The following RBFOX1 variants were observed in gnomAD, a reference collection of about 807,000 sequenced individuals.
RBFOX1 encodes the protein RNA binding protein fox-1 homolog 1.
RBFOX1 carries 8 observed loss-of-function variants against 57.7 expected under a neutral mutation model. The observed-to-expected ratio is 0.14, with a 90% CI of 0.08 to 0.25. The LOEUF is 0.25. RBFOX1 is among the 10% of genes least tolerant of loss of function. The pLI is 1.00. For missense variants in RBFOX1, 611 were observed against 548.5 expected (o/e 1.11, Z -1.14); for synonymous variants, 326 against 222.4 (o/e 1.47, Z -4.15).
chr16:7,045,240 AG>A (rs1433773739), intron 3 of RBFOX1, among the ~76,000 whole-genome samples: 6 of 152,162 alleles, frequency 3.9e-5, no homozygotes, highest in Admixed American at 3.9e-4. Flanking sequence ...GGTGGCAACC[AG>A]TTTACTAATA....
intron 3 of RBFOX1, among the ~76,000 whole-genome samples, chr16:6,768,538 C>T (rs1026062947): frequency 4.0e-5 from 6 of 151,504 alleles, no homozygotes; most frequent in Admixed American, 1.3e-4. Flanking sequence ...TATACATTGA[C>T]AAAAATATTT....
chr16:6,011,452 C>G (rs886409673), intron 4 of RBFOX1, among the ~76,000 whole-genome samples: 2 of 151,814 alleles, frequency 1.3e-5, no homozygotes, highest in African/African-American at 2.4e-5. Context: ...GATTTAAAAA[C>G]GAAGTCTTGA....
chr16:6,984,629 T>C (rs1419612317), intron 3 of RBFOX1, among the ~76,000 whole-genome samples: 1 of 152,116 alleles, frequency 6.6e-6, no homozygotes, highest in Non-Finnish European at 1.5e-5. Flanking sequence ...GTTTACCACA[T>C]GCCTTCTTTA....
chr16:6,183,636 G>T (rs1443395416), intron 1 of RBFOX1, among the ~76,000 whole-genome samples: 2 of 152,036 alleles, frequency 1.3e-5, no homozygotes, highest in Non-Finnish European at 2.9e-5. Flanking sequence ...ACATGGAGGT[G>T]GTGAGGAAAA....
chr16:7,329,737 T>A (rs1298029508), intron 4 of RBFOX1, among the ~76,000 whole-genome samples: 1 of 152,136 alleles, frequency 6.6e-6, no homozygotes, highest in Non-Finnish European at 1.5e-5. Flanking sequence ...CAGCCCTTAT[T>A]TTCACACAAG....
At position 7,058,181 on chromosome 16, in the gene RBFOX1, C is replaced by T. The variant is rs530954558; in HGVS notation, c.27+6083C>T. 7.9e-5 allele frequency among the ~76,000 whole-genome samples: 12 copies of T among 152,150 alleles called. No homozygotes were observed. In the South Asian group the frequency reaches 1.0e-3, roughly 13 times the overall value. On this transcript the variant is annotated intron_variant, in intron 4 of 15. Coordinates refer to ENST00000550418, the MANE Select transcript of RBFOX1 (RefSeq NM_018723.4). ...GCACGTCTTACTCACAGCTTTCAGG[C>T]GAACACTAACTCATTAAGAAAGGGG...
At chr16:6,718,057 G>T (rs1364176326) in intron 3 of RBFOX1, among the ~76,000 whole-genome samples, 1 of 152,076 alleles carries the variant, frequency 6.6e-6, no homozygotes, top group African/African-American at 2.4e-5. Flanking sequence ...ATAAACAGGT[G>T]CATTTCTTTG....
chr16:5,331,276 C>A (rs1188384913), intron 1 of RBFOX1, among the ~76,000 whole-genome samples: 1 of 152,194 alleles, frequency 6.6e-6, no homozygotes, highest in African/African-American at 2.4e-5. Flanking sequence ...TCATGTATCT[C>A]ACGTGCTTTG....
At chr16:6,258,212 G>A (rs1262271672) in intron 1 of RBFOX1, among the ~76,000 whole-genome samples, 1 of 152,120 alleles carries the variant, frequency 6.6e-6, no homozygotes, top group African/African-American at 2.4e-5. Flanking sequence ...GGCCATTAAA[G>A]ACATTTGGAA....
chr16:7,197,311 G>A (rs9928993), intron 4 of RBFOX1, among the ~76,000 whole-genome samples: 44,668 of 151,980 alleles, frequency 0.29, 7,000 homozygotes, highest in Non-Finnish European at 0.36. Flanking sequence ...GGAAGCGACT[G>A]AGCTTGCTAT....
At chr16:5,554,827 TACTC>T (rs1166409479) in intron 2 of RBFOX1, among the ~76,000 whole-genome samples, 1 of 152,234 alleles carries the variant, frequency 6.6e-6, no homozygotes, top group Admixed American at 6.5e-5. Context: ...TCTTTTTTCT[TACTC>T]ACATTCTTCC....
chr16:7,251,061 A>G (rs1012855273), intron 4 of RBFOX1, among the ~76,000 whole-genome samples: 2 of 152,152 alleles, frequency 1.3e-5, no homozygotes, highest in South Asian at 2.1e-4. Flanking sequence ...AACATGATAC[A>G]TGTCATTAAC....
intron 1 of RBFOX1, among the ~76,000 whole-genome samples, chr16:5,460,105 G>A (rs1567544107): frequency 1.3e-5 from 2 of 151,926 alleles, no homozygotes; most frequent in Admixed American, 6.6e-5. Context: ...AAGTCGGCAT[G>A]TTTTTAGTGT....
intron 4 of RBFOX1, among the ~76,000 whole-genome samples, chr16:7,174,958 T>G (rs1045393167): frequency 6.6e-6 from 1 of 152,232 alleles, no homozygotes; most frequent in African/African-American, 2.4e-5. Context: ...TGTGGTGATA[T>G]CTCATCATCA....
chr16:6,690,652 C>T (rs182025383), intron 3 of RBFOX1, among the ~76,000 whole-genome samples: 2 of 152,064 alleles, frequency 1.3e-5, no homozygotes, highest in South Asian at 2.1e-4. Flanking sequence ...GAATCATAAA[C>T]CTCTGCTTTT....
intron 3 of RBFOX1, among the ~76,000 whole-genome samples, chr16:6,854,556 G>A (rs1001510847): frequency 1.0e-4 from 15 of 145,678 alleles, no homozygotes; most frequent in Admixed American, 4.9e-4. Flanking sequence ...TGAACCTCAC[G>A]CATTACCTCC....
At chr16:7,168,867 TAGG>T (rs1352572253) in intron 4 of RBFOX1, among the ~76,000 whole-genome samples, 1 of 152,342 alleles carries the variant, frequency 6.6e-6, no homozygotes, top group Non-Finnish European at 1.5e-5. Context: ...TACTTTCAAA[TAGG>T]AGGAGTGTGC....
intron 3 of RBFOX1, among the ~76,000 whole-genome samples, chr16:5,653,639 G>T (rs116711111): frequency 6.6e-6 from 1 of 152,122 alleles, no homozygotes; most frequent in Non-Finnish European, 1.5e-5. Flanking sequence ...CTGTTCTGCC[G>T]CATGTGCAGC....
At chr16:7,006,303 C>T (rs1360072613) in intron 3 of RBFOX1, among the ~76,000 whole-genome samples, 5 of 152,062 alleles carry the variant, frequency 3.3e-5, no homozygotes, top group Non-Finnish European at 7.4e-5. Context: ...TACAGGTACA[C>T]ACCAGTATAC....
Sources: gnomAD v4.1 joint callset for allele counts (sites outside exome capture counted in the v4.1 genomes callset) on GRCh38, gnomAD v4.1.1 for gene constraint, MANE v1.5 for transcripts, NCBI Gene and HGNC (gene_info 2026-07-23, HGNC 2026-07-21) for gene names.